Variants in DENND1A observed in about 807,000 individuals in gnomAD.
The protein encoded by DENND1A is DENN domain-containing protein 1A.
DENND1A carries 51 observed loss-of-function variants against 113.7 expected under a neutral mutation model. The observed-to-expected ratio is 0.45, with a 90% CI of 0.36 to 0.57. The LOEUF is 0.57. Ranked by LOEUF, DENND1A falls within the 20% of genes least tolerant of loss-of-function variation. The pLI is 0.00. For missense variants in DENND1A, 1,258 were observed against 1,395.9 expected (o/e 0.90, Z 1.57); for synonymous variants, 565 against 570.8 (o/e 0.99, Z 0.14).
At chr9:123,918,270 T>C (rs1437787312) in intron 1 of DENND1A, among the ~76,000 whole-genome samples, 3 of 147,848 alleles carry the variant, frequency 2.0e-5, no homozygotes, top group East Asian at 2.1e-4. Flanking sequence ...GGGCAGATCA[T>C]GAGGTCAGGA....
At chr9:123,809,515 T>C (rs1194939857) in intron 2 of DENND1A, among the ~76,000 whole-genome samples, 1 of 152,174 alleles carries the variant, frequency 6.6e-6, no homozygotes, top group African/African-American at 2.4e-5. Flanking sequence ...CCTATAAGTA[T>C]CCTATAAAGG....
At chr9:123,831,992 A>C (rs1840293589) in intron 2 of DENND1A, among the ~76,000 whole-genome samples, 3 of 152,182 alleles carry the variant, frequency 2.0e-5, no homozygotes, top group Non-Finnish European at 2.9e-5. Flanking sequence ...CCAAAAAAAA[A>C]CAATAACAAT....
intron 2 of DENND1A, among the ~76,000 whole-genome samples, chr9:123,797,362 CTAA>C (rs1413786575): frequency 1.3e-5 from 2 of 152,144 alleles, no homozygotes; most frequent in Non-Finnish European, 2.9e-5. Context: ...TGCTCTTTCA[CTAA>C]TGACATTTCC....
chr9:123,677,078 T>A (rs2064124460), intron 5 of DENND1A, among the ~76,000 whole-genome samples: 1 of 152,190 alleles, frequency 6.6e-6, no homozygotes, highest in South Asian at 2.1e-4. Flanking sequence ...TCAGGCACCA[T>A]CTCTGAGAAG....
intron 21 of DENND1A, among the ~76,000 whole-genome samples, chr9:123,394,132 T>C (rs1013978276): frequency 1.3e-5 from 2 of 152,144 alleles, no homozygotes; most frequent in African/African-American, 4.8e-5. Flanking sequence ...GCTGGGACTA[T>C]AGGCATGTGC....
chr9:123,903,575 A>C (rs1005275500), intron 1 of DENND1A, among the ~76,000 whole-genome samples: 1 of 152,162 alleles, frequency 6.6e-6, no homozygotes, highest in Non-Finnish European at 1.5e-5. Context: ...GCAAGGGGTC[A>C]GGGAGTTCCC....
At chr9:123,481,793 CTTTCTTTT>C (rs2050357511) in intron 13 of DENND1A, among the ~76,000 whole-genome samples, 1 of 145,254 alleles carries the variant, frequency 6.9e-6, no homozygotes, top group Non-Finnish European at 1.5e-5. Context: ...TTTTTTCTTT[CTTTCTTTT>C]TTTTTTTTTT....
chr9:123,666,885 CTT>C, intron 8 of DENND1A, 139 bp downstream of exon 8: 1 of 760,618 alleles, frequency 1.3e-6, no homozygotes, highest in Non-Finnish European at 2.0e-6. Flanking sequence ...AGTTCTTATA[CTT>C]TTGTTTTTAT....
chr9:123,652,258 TG>T, intron 8 of DENND1A, 135 bp from the exon 9 acceptor site: 1 of 739,378 alleles, frequency 1.4e-6, no homozygotes, highest in South Asian at 2.0e-5. Context: ...TCTTTCTACC[TG>T]GGAGGCCAAA....
At chr9:123,434,416 A>C (rs946446765) in intron 19 of DENND1A, among the ~76,000 whole-genome samples, 1 of 152,272 alleles carries the variant, frequency 6.6e-6, no homozygotes, top group East Asian at 1.9e-4. Flanking sequence ...CAAATGAATT[A>C]GAATTACAAG....
intron 11 of DENND1A, among the ~76,000 whole-genome samples, chr9:123,604,482 G>A (rs781625124): frequency 4.6e-5 from 7 of 152,116 alleles, no homozygotes; most frequent in East Asian, 1.9e-4. Flanking sequence ...ATGGTGCCCC[G>A]TACACAGAAA....
chr9:123,818,517 TATACACACACACACACACAC>T (rs1406967278), intron 2 of DENND1A, among the ~76,000 whole-genome samples: 3 of 123,136 alleles, frequency 2.4e-5, no homozygotes, highest in African/African-American at 6.7e-5. Context: ...TATACATACA[TATACACACACACACACACAC>T]ACACACACAC....
At chr9:123,457,749 C>A (rs763013463) in intron 14 of DENND1A, 44 bp downstream of exon 14, 1 of 1,543,296 alleles carries the variant, frequency 6.5e-7, no homozygotes, top group South Asian at 1.2e-5. Context: ...TGCAGAAATC[C>A]CCGCCAGGGA....
At chr9:123,599,358 A>C (rs2059842208) in intron 11 of DENND1A, among the ~76,000 whole-genome samples, 1 of 152,172 alleles carries the variant, frequency 6.6e-6, no homozygotes, top group African/African-American at 2.4e-5. Flanking sequence ...TGTGTGGAGA[A>C]ATTAGTTTAG....
At chr9:123,889,299 T>C (rs983052030) in intron 1 of DENND1A, among the ~76,000 whole-genome samples, 21 of 152,142 alleles carry the variant, frequency 1.4e-4, no homozygotes, top group Admixed American at 6.5e-5. Flanking sequence ...ATCTCAAAAG[T>C]TGTTTCAGGG....
rs578181114 is a variant in DENND1A at position 123,897,510 on chromosome 9, C to A, written c.18-18489G>T. 2.0e-5 allele frequency among the ~76,000 whole-genome samples: 3 copies of A among 152,286 alleles called. No homozygotes were observed. The East Asian group carries it at 5.8e-4, about 29-fold the overall frequency. ...TCTTTTCTACTCTGTCCTCTCACTGCGAAGCCCAGACTACATACACAATCA... is the reference window on the plus strand; with the variant it reads ...TCTTTTCTACTCTGTCCTCTCACTGAGAAGCCCAGACTACATACACAATCA... On this transcript the variant is annotated intron_variant, in intron 1 of 23. Transcript: ENST00000394215.
At chr9:123,497,367 A>G (rs1223128112) in intron 13 of DENND1A, among the ~76,000 whole-genome samples, 1 of 152,152 alleles carries the variant, frequency 6.6e-6, no homozygotes, top group Non-Finnish European at 1.5e-5. Flanking sequence ...AGGCTGCTGG[A>G]GAGTAGTGGG....
At chr9:123,684,901 C>T (rs2064712029) in intron 5 of DENND1A, among the ~76,000 whole-genome samples, 1 of 152,180 alleles carries the variant, frequency 6.6e-6, no homozygotes, top group Non-Finnish European at 1.5e-5. Context: ...ATGTCAGCAG[C>T]ACTGGGTCAG....
At chr9:123,671,132 C>A (rs1387687268) in intron 7 of DENND1A, among the ~76,000 whole-genome samples, 159 bp downstream of exon 7, 1 of 152,230 alleles carries the variant, frequency 6.6e-6, no homozygotes, top group East Asian at 1.9e-4. Flanking sequence ...GGAAGAAATT[C>A]TACTCTCTGG....
Sources: gnomAD v4.1 joint callset for allele counts (sites outside exome capture counted in the v4.1 genomes callset) on GRCh38, gnomAD v4.1.1 for gene constraint, MANE v1.5 for transcripts, NCBI Gene and HGNC (gene_info 2026-07-23, HGNC 2026-07-21) for gene names.